The following PHKB variants were observed in gnomAD, a reference collection of about 807,000 sequenced individuals.
The protein encoded by PHKB is phosphorylase kinase regulatory subunit beta.
In PHKB, 122 loss-of-function variants were observed where a neutral mutation model predicts 152.1. That is an observed-to-expected ratio of 0.80 (90% confidence interval 0.69 to 0.93). The LOEUF (loss-of-function observed/expected upper bound fraction) is 0.93, where lower values mean the gene tolerates loss of function less well. Ranked by LOEUF, PHKB falls within the 40% of genes least tolerant of loss-of-function variation. PHKB has a pLI of 0.00. For synonymous variants in PHKB, 436 were observed against 464.9 expected (o/e 0.94, Z 0.80); for missense variants, 1,304 against 1,328.4 (o/e 0.98, Z 0.29).
At chr16:47,615,309 A>G (rs1301115255) in intron 14 of PHKB, among the ~76,000 whole-genome samples, 1 of 152,188 alleles carries the variant, frequency 6.6e-6, no homozygotes, top group Non-Finnish European at 1.5e-5. Flanking sequence ...GTACCTGAGT[A>G]GTAGAACACT....
intron 1 of PHKB, among the ~76,000 whole-genome samples, chr16:47,464,962 C>T (rs927625133): frequency 6.6e-6 from 1 of 152,212 alleles, no homozygotes; most frequent in African/African-American, 2.4e-5. Context: ...TTGGCTTCAC[C>T]ATAGCCTTTC....
chr16:47,592,155 C>A (rs1235788965), intron 10 of PHKB, among the ~76,000 whole-genome samples: 1 of 152,194 alleles, frequency 6.6e-6, no homozygotes, highest in African/African-American at 2.4e-5. Flanking sequence ...AGGTTGTCAT[C>A]TTTTCTCTTT....
At chr16:47,588,128 G>A (rs1971965358) in intron 9 of PHKB, among the ~76,000 whole-genome samples, 1 of 151,624 alleles carries the variant, frequency 6.6e-6, no homozygotes, top group South Asian at 2.1e-4. Flanking sequence ...CCTTATTTCT[G>A]TTCTCTCATT....
At chr16:47,512,413 T>G (rs1488368944) in intron 5 of PHKB, among the ~76,000 whole-genome samples, 1 of 152,080 alleles carries the variant, frequency 6.6e-6, no homozygotes, top group Admixed American at 6.6e-5. Context: ...GTGACAAAAG[T>G]TTTTACATGT....
chr16:47,652,442 G>C (rs1597152152), intron 20 of PHKB, among the ~76,000 whole-genome samples: 1 of 142,654 alleles, frequency 7.0e-6, no homozygotes, highest in Non-Finnish European at 1.5e-5. Flanking sequence ...TGGTAGTTCT[G>C]TTTTAAGTTC....
intron 6 of PHKB, among the ~76,000 whole-genome samples, chr16:47,536,417 A>G (rs982663088): frequency 6.6e-6 from 1 of 152,162 alleles, no homozygotes; most frequent in East Asian, 1.9e-4. Context: ...TTACTAAATC[A>G]TAGTATTATT....
At chr16:47,560,805 T>C (rs893617656) in intron 7 of PHKB, among the ~76,000 whole-genome samples, 1 of 152,194 alleles carries the variant, frequency 6.6e-6, no homozygotes, top group Admixed American at 6.5e-5. Flanking sequence ...GTTAAAAGTA[T>C]AGAATTCTTT....
At chr16:47,565,825 C>T in intron 7 of PHKB, 1 of 1,404,750 alleles carries the variant, frequency 7.1e-7, no homozygotes, top group Admixed American at 1.8e-5. Flanking sequence ...TTTGTCCCTC[C>T]AAAGACAGAA....
chr16:47,616,490 AT>A (rs1015961017), intron 14 of PHKB, among the ~76,000 whole-genome samples: 47 of 146,194 alleles, frequency 3.2e-4, no homozygotes, highest in Non-Finnish European at 4.8e-4. Flanking sequence ...ATTAATATAT[AT>A]TTTATATATT....
chr16:47,578,650 G>C (rs1053878869), intron 7 of PHKB, among the ~76,000 whole-genome samples: 4 of 152,172 alleles, frequency 2.6e-5, no homozygotes, highest in South Asian at 4.1e-4. Context: ...AGGAGAAAAG[G>C]TGTGACCTCT....
chr16:47,636,135 G>C (rs758933997), intron 14 of PHKB, among the ~76,000 whole-genome samples: 65 of 152,346 alleles, frequency 4.3e-4, no homozygotes, highest in Non-Finnish European at 5.9e-4. Flanking sequence ...TGGGGTTGAT[G>C]ATGAGGAGTT....
At chr16:47,475,606 T>C (rs1037485506) in intron 1 of PHKB, among the ~76,000 whole-genome samples, 4 of 152,222 alleles carry the variant, frequency 2.6e-5, no homozygotes, top group African/African-American at 9.6e-5. Flanking sequence ...CTGTGCATCA[T>C]AAGGCTTTGC....
intron 6 of PHKB, among the ~76,000 whole-genome samples, chr16:47,542,227 G>A (rs1971072973): frequency 6.6e-6 from 1 of 152,154 alleles, no homozygotes; most frequent in African/African-American, 2.4e-5. Context: ...CGTATGGCTA[G>A]CCAGTTTTCC....
At chr16:47,679,633 T>C (rs538218887) in intron 26 of PHKB, among the ~76,000 whole-genome samples, 1 of 152,380 alleles carries the variant, frequency 6.6e-6, no homozygotes, top group South Asian at 2.1e-4. Context: ...TCCTCAGACT[T>C]TGCTGAAGTT....
In PHKB at chr16:47,647,194, G is replaced by C. The variant is rs570244598; in HGVS notation, c.1609-1339G>C. Among the ~76,000 whole-genome samples, 12 of 152,142 alleles carry C rather than the reference G, an allele frequency of 7.9e-5. No individual in the cohort carries two copies. The South Asian group carries it at 2.5e-3, about 32-fold the overall frequency. ...ACTGGAGTGCAATGGCACCATCGTG[G>C]TTCACTGCAACCTCTGCTTCCTGGG... On this transcript the variant is annotated intron_variant, in intron 16 of 30. Transcript: ENST00000323584.
In PHKB at chr16:47,588,983, C is replaced by G. The variant is rs1478664293; in HGVS notation, c.949C>G (p.Leu317Val). 6.2e-7 allele frequency: 1 copy of G among 1,613,786 alleles called. No homozygotes were observed. Among genetic ancestry groups the G allele is most frequent in the Admixed American group, 1.7e-5 (1 of 59,970 alleles). The part of the protein sequence containing the change: ...LDDEVLFSQT[L>V]DKVVRKLKGK... ...TGATGAAGTTCTTTTTAGCCAGACA[C>G]TTGATAAAGTGGTTAGAAAATTAAA... Residue 317 changes from leucine to valine, a missense_variant, in exon 10 of 31, where the codon CTT becomes GTT. Physicochemically the swap from Leu to Val is conservative, Grantham distance 32 (BLOSUM62 1). Transcript: ENST00000323584.
chr16:47,614,713 A>G (rs1174951266), intron 14 of PHKB, among the ~76,000 whole-genome samples: 1 of 152,170 alleles, frequency 6.6e-6, no homozygotes, highest in Non-Finnish European at 1.5e-5. Flanking sequence ...GTCTTCATTG[A>G]GCAGCACATC....
chr16:47,663,178 A>T (rs2151737907), intron 23 of PHKB, among the ~76,000 whole-genome samples: 1 of 152,216 alleles, frequency 6.6e-6, no homozygotes, highest in Non-Finnish European at 1.5e-5. Flanking sequence ...TACGGGCAAA[A>T]TCAGTGGCCA....
chr16:47,495,657 A>T (rs1233510674), intron 1 of PHKB, among the ~76,000 whole-genome samples: 1 of 152,120 alleles, frequency 6.6e-6, no homozygotes, highest in East Asian at 1.9e-4. Flanking sequence ...AGAGCTTATT[A>T]CCTTATGCTC....
Sources: allele counts gnomAD v4.1 joint callset (sites outside exome capture counted in the v4.1 genomes callset), GRCh38; gene constraint gnomAD v4.1.1; transcripts MANE v1.5; gene names NCBI Gene and HGNC (gene_info 2026-07-23, HGNC 2026-07-21).